The following PPOX variants were observed in gnomAD, a reference collection of about 807,000 sequenced individuals.
PPOX encodes the protein protoporphyrinogen oxidase.
PPOX carries 23 observed loss-of-function variants against 54.1 expected under a neutral mutation model. The ratio of observed to expected loss-of-function variants is 0.43; its 90% CI spans 0.31 to 0.60. The LOEUF is 0.60. PPOX is among the 20% of genes least tolerant of loss of function. The pLI is 0.13. For missense variants in PPOX, 512 were observed against 601.1 expected, an observed-to-expected ratio of 0.85 and a Z score of 1.55; for synonymous variants, 224 against 236.1, an observed-to-expected ratio of 0.95 and a Z score of 0.47.
At chr1:161,172,328 C>T (rs1379047987), downstream of PPOX, 4 of 1,613,552 alleles carry the variant, frequency 2.5e-6, no homozygotes, top group Non-Finnish European at 2.5e-6. Context: ...CAGCCAGGCG[C>T]ACCCTATGGG....
At chr1:161,177,177 G>A (rs1427009597), downstream of PPOX, 1 of 1,106,062 alleles carries the variant, frequency 9.0e-7, no homozygotes, top group Non-Finnish European at 1.3e-6. Context: ...CACCTAGAGG[G>A]GCGTGGTCCG....
At chr1:161,169,280 T>C in intron 7 of PPOX, 97 bp downstream of exon 7, 1 of 1,433,270 alleles carries the variant, frequency 7.0e-7, no homozygotes, top group East Asian at 2.4e-5. Context: ...GAGTTCCTCA[T>C]TGTTTTTGTG....
Position 161,166,914 on chromosome 1 carries a change from C to T in PPOX, c.67C>T (p.Arg23Trp), listed in dbSNP as rs373956753. ...SGLAASYHLS[R>W]APCPPKVVLV... ...CTTGGCCGCCAGTTACCACCTGAGC[C>T]GGGCCCCCTGCCCCCCTAAGGTGAG... is the stretch of plus-strand genomic sequence containing the variant. Residue 23 changes from arginine to tryptophan, a missense_variant, in exon 2 of 13, where the codon CGG (arginine) becomes TGG (tryptophan). Physicochemically the swap from Arg to Trp is moderately radical, Grantham distance 101. Transcript: ENST00000367999. 1.2e-6 allele frequency: 2 copies of T among 1,613,932 alleles called. No homozygotes were observed. Among genetic ancestry groups the T allele is most frequent in the East Asian group, 2.2e-5 (1 of 44,884 alleles).
chr1:161,174,446 G>T (rs1278619003), downstream of PPOX, among the ~76,000 whole-genome samples: 2 of 151,810 alleles, frequency 1.3e-5, no homozygotes, highest in African/African-American at 2.4e-5. Flanking sequence ...TGAAAAGAGG[G>T]AAATCAAAGT....
chr1:161,167,502 C>G lies in PPOX; in HGVS notation c.338+16C>G. The G allele has an allele frequency of 6.2e-7, 1 of 1,610,654 alleles. No homozygotes were observed. The highest frequency in any genetic ancestry group is 8.5e-7 in the Non-Finnish European group (1 of 1,179,426). ...CTGGCCTCAGGTAACACCAGCACCT[C>G]CGCTCCTTTTACTGTGCCCTCATCC... On this transcript the variant is annotated intron_variant, in intron 4 of 12. Transcript: ENST00000367999.
chr1:161,168,272 A>G, intron 5 of PPOX, 145 bp downstream of exon 5: 3 of 1,552,348 alleles, frequency 1.9e-6, no homozygotes, highest in Non-Finnish European at 2.7e-6. Flanking sequence ...AATTCCCAAA[A>G]CTCATTATTG....
downstream of PPOX, chr1:161,176,177 AAGC>A: frequency 7.6e-7 from 1 of 1,317,768 alleles, no homozygotes; most frequent in Non-Finnish European, 1.0e-6. Flanking sequence ...AAAGAGGAAA[AAGC>A]AGAAAACAAA....
downstream of PPOX, among the ~76,000 whole-genome samples, chr1:161,173,144 T>C (rs551458280): frequency 6.6e-6 from 1 of 152,014 alleles, no homozygotes; most frequent in Non-Finnish European, 1.5e-5. Context: ...ACCACAGACA[T>C]GAAATTGGGT....
In PPOX at chr1:161,167,179, T is replaced by C. The variant is rs368307080; in HGVS notation, c.167T>C (p.Leu56Pro). 15 of 1,614,172 alleles carry C rather than the reference T, an allele frequency of 9.3e-6. No homozygotes were observed. The African/African-American group carries it at 1.2e-4, about 13-fold the overall frequency. ...VRGPNGAIFE[L>P]GPRGIRPAGA... ...GGCCCTAATGGTGCTATCTTTGAGC[T>C]TGGACCTCGGGGAATTAGGCCAGCG... The change falls in exon 3 of 13, where the codon CTT (leucine) becomes CCT (proline). Residue 56 changes from leucine to proline, a missense_variant. Coordinates refer to ENST00000367999, the MANE Select transcript of PPOX (RefSeq NM_001122764.3).
intron 3 of PPOX, 43 bp downstream of exon 3, chr1:161,167,277 C>T: frequency 6.2e-7 from 1 of 1,614,088 alleles, no homozygotes; most frequent in Middle Eastern, 1.6e-4. Flanking sequence ...GTGGAGGGGG[C>T]TTCCATTGGG....
In PPOX at chr1:161,169,729, A is replaced by C. The variant is rs1558033061; in HGVS notation, c.868+9A>C. 6.2e-7 allele frequency: 1 copy of C among 1,614,168 alleles called. No individual in the cohort carries two copies. The highest frequency in any genetic ancestry group is 1.3e-5 in the African/African-American group (1 of 75,056). ...TGCCATTCCAGCTTCAGGTAATGGA[A>C]TAGCCACCTTCCCCTTCCCCAACCC... On this transcript the variant is annotated intron_variant, in intron 8 of 12. Coordinates refer to ENST00000367999, the MANE Select transcript of PPOX (RefSeq NM_001122764.3).
chr1:161,173,505 G>C, downstream of PPOX: 4 of 1,540,366 alleles, frequency 2.6e-6, no homozygotes, highest in Admixed American at 1.7e-5. Flanking sequence ...GCAGGACCAG[G>C]GAGCTAAAGG....
downstream of PPOX, chr1:161,171,720 C>G: frequency 6.7e-7 from 1 of 1,502,838 alleles, no homozygotes; most frequent in Non-Finnish European, 9.0e-7. Flanking sequence ...GAGTTCAGTT[C>G]CCTCACATCC....
downstream of PPOX, among the ~76,000 whole-genome samples, chr1:161,174,460 G>A (rs868661137): frequency 1.9e-4 from 29 of 152,126 alleles, no homozygotes; most frequent in South Asian, 4.2e-4. Flanking sequence ...TCAAAGTGGG[G>A]TGGAGGGCAA....
chr1:161,176,392 G>A, intron 4 of PPOX: 1 of 433,570 alleles, frequency 2.3e-6, no homozygotes, highest in Non-Finnish European at 4.2e-6. Context: ...AGTCTCTAGA[G>A]AACCCCCTCT....
At chr1:161,174,393 G>A (rs750639917), downstream of PPOX, among the ~76,000 whole-genome samples, 19 of 147,716 alleles carry the variant, frequency 1.3e-4, no homozygotes, top group Non-Finnish European at 2.7e-4. Flanking sequence ...GGGGGACAGA[G>A]TGAGATCTCA....
intron 7 of PPOX, 118 bp downstream of exon 7, chr1:161,169,301 T>C: frequency 8.1e-7 from 1 of 1,232,208 alleles, no homozygotes; most frequent in Admixed American, 2.0e-5. Context: ...CCTTAGAAGC[T>C]ACTTAGACAT....
Sources: gnomAD v4.1 joint callset for allele counts (sites outside exome capture counted in the v4.1 genomes callset) on GRCh38, gnomAD v4.1.1 for gene constraint, MANE v1.5 for transcripts, NCBI Gene and HGNC (gene_info 2026-07-23, HGNC 2026-07-21) for gene names.